SGCZ: variants seen among roughly 807,000 people sequenced by gnomAD.
SGCZ encodes zeta-sarcoglycan.
SGCZ carries 40 observed loss-of-function variants against 41.3 expected under a neutral mutation model. The ratio of observed to expected loss-of-function variants is 0.97; its 90% confidence interval spans 0.75 to 1.26. The LOEUF (loss-of-function observed/expected upper bound fraction) is 1.26. Among genes scored for constraint, SGCZ ranks in the 50% most tolerant of loss-of-function variants. SGCZ has a pLI of 0.00. For missense variants in SGCZ, 552 were observed against 369.8 expected (o/e 1.49, Z -4.04); for synonymous variants, 206 against 137.5 (o/e 1.50, Z -3.49).
At chr8:14,910,140 C>G (rs952652805) in intron 1 of SGCZ, among the ~76,000 whole-genome samples, 35 of 151,946 alleles carry the variant, frequency 2.3e-4, no homozygotes, top group African/African-American at 7.7e-4. Flanking sequence ...AACTTATGAC[C>G]CTATTTAGTC....
chr8:14,615,038 C>G (rs1806053927), intron 1 of SGCZ, among the ~76,000 whole-genome samples: 1 of 151,264 alleles, frequency 6.6e-6, no homozygotes, highest in African/African-American at 2.4e-5. Context: ...AAGCTTGTTA[C>G]AAAAAGATTA....
At chr8:14,374,275 A>T (rs897057560) in intron 2 of SGCZ, among the ~76,000 whole-genome samples, 2 of 152,132 alleles carry the variant, frequency 1.3e-5, no homozygotes, top group African/African-American at 4.8e-5. Flanking sequence ...ACTCTTCAGG[A>T]GGCTGAGATG....
chr8:14,618,803 G>C (rs919298026), intron 1 of SGCZ, among the ~76,000 whole-genome samples: 2 of 152,008 alleles, frequency 1.3e-5, no homozygotes, highest in South Asian at 4.1e-4. Context: ...ATTTTAAGAT[G>C]GACTGAAAGC....
At chr8:14,974,103 C>T (rs529666579) in intron 1 of SGCZ, among the ~76,000 whole-genome samples, 46 of 152,248 alleles carry the variant, frequency 3.0e-4, no homozygotes, top group Admixed American at 4.6e-4. Context: ...TACTTGTTGA[C>T]ACTGTGCAAA....
intron 2 of SGCZ, among the ~76,000 whole-genome samples, chr8:14,381,727 A>C (rs1426250010): frequency 6.6e-6 from 1 of 152,042 alleles, no homozygotes; most frequent in Admixed American, 6.6e-5. Context: ...TCGAGGCTGC[A>C]GTGAGCCATG....
At chr8:14,821,767 C>T (rs56273003) in intron 1 of SGCZ, among the ~76,000 whole-genome samples, 3 of 151,616 alleles carry the variant, frequency 2.0e-5, no homozygotes, top group South Asian at 2.1e-4. Context: ...ATTCAGCATC[C>T]CTTCATGAAA....
intron 2 of SGCZ, among the ~76,000 whole-genome samples, chr8:14,528,205 G>A (rs1803012681): frequency 6.6e-6 from 1 of 152,068 alleles, no homozygotes; most frequent in African/African-American, 2.4e-5. Flanking sequence ...ACATACCGAA[G>A]AATCCATTGT....
chr8:14,094,430 T>A (rs1213838053), intron 7 of SGCZ, among the ~76,000 whole-genome samples: 3 of 152,112 alleles, frequency 2.0e-5, no homozygotes, highest in Admixed American at 6.6e-5. Context: ...AATGATGGTT[T>A]CCAGCATCAT....
At chr8:15,008,543 G>T (rs1296759819) in intron 1 of SGCZ, among the ~76,000 whole-genome samples, 1 of 70,634 alleles carries the variant, frequency 1.4e-5, no homozygotes, top group East Asian at 3.4e-4. Flanking sequence ...AAGGAAGGAA[G>T]GGAGGGAGTG....
intron 1 of SGCZ, among the ~76,000 whole-genome samples, chr8:14,698,002 A>C (rs1809020489): frequency 6.6e-6 from 1 of 151,982 alleles, no homozygotes; most frequent in South Asian, 2.1e-4. Context: ...GCTTCCAGGA[A>C]TTATTTTCAT....
chr8:14,851,729 T>C (rs1803333418), intron 1 of SGCZ, among the ~76,000 whole-genome samples: 1 of 152,166 alleles, frequency 6.6e-6, no homozygotes, highest in South Asian at 2.1e-4. Flanking sequence ...ATATCTATCC[T>C]TTGTGTCATT....
chr8:14,113,719 C>A (rs906517375), intron 5 of SGCZ, among the ~76,000 whole-genome samples: 1 of 151,974 alleles, frequency 6.6e-6, no homozygotes, highest in Non-Finnish European at 1.5e-5. Context: ...CATACTGGTG[C>A]CAAATGATGT....
rs576026023 is a variant in SGCZ, at chr8:14,612,668, T to A, written c.40-57742A>T. On this transcript the variant is annotated intron_variant, in intron 1 of 7. Transcript: ENST00000382080. Reference sequence around the variant, plus strand: ...AGATAACAGGAAGGAGTTGTGTTTTTTTGTTTTTTTGTTTTGTTTTGTTTT... The same window carrying A: ...AGATAACAGGAAGGAGTTGTGTTTTATTGTTTTTTTGTTTTGTTTTGTTTT... 8.4e-4 allele frequency among the ~76,000 whole-genome samples: 127 copies of A among 151,860 alleles called. 1 individual carries two copies. Among genetic ancestry groups the A allele is most frequent in the African/African-American group, 3.0e-3 (125 of 41,366 alleles).
At chr8:14,966,254 C>T (rs1193125725) in intron 1 of SGCZ, among the ~76,000 whole-genome samples, 2 of 151,444 alleles carry the variant, frequency 1.3e-5, no homozygotes, top group Non-Finnish European at 3.0e-5. Flanking sequence ...TTGATGTCAT[C>T]AGAGATGAGA....
intron 5 of SGCZ, among the ~76,000 whole-genome samples, chr8:14,155,341 G>A (rs374385830): frequency 1.3e-5 from 2 of 152,030 alleles, no homozygotes; most frequent in South Asian, 2.1e-4. Flanking sequence ...GTTGCCTGAT[G>A]TCTCTTTGGC....
intron 1 of SGCZ, among the ~76,000 whole-genome samples, chr8:14,559,101 T>C (rs1804128496): frequency 1.3e-5 from 2 of 152,020 alleles, no homozygotes; most frequent in South Asian, 4.1e-4. Context: ...ACCACTCCTC[T>C]TCAACATAGT....
chr8:14,347,320 A>G (rs555971510), intron 2 of SGCZ, among the ~76,000 whole-genome samples: 1 of 152,268 alleles, frequency 6.6e-6, no homozygotes, highest in African/African-American at 2.4e-5. Context: ...GATTCCTACA[A>G]TAATTTGCTA....
intron 2 of SGCZ, among the ~76,000 whole-genome samples, chr8:14,338,264 T>C (rs13264899): frequency 0.2 from 30,270 of 152,172 alleles, 3,788 homozygotes; most frequent in Non-Finnish European, 0.29. Flanking sequence ...ATGGGCCTTC[T>C]GGTCTCATTT....
chr8:15,184,538 CT>C (rs34206153), intron 1 of SGCZ, among the ~76,000 whole-genome samples: 55,300 of 151,310 alleles, frequency 0.37, 12,161 homozygotes, highest in Non-Finnish European at 0.48. Context: ...TACACCAGGC[CT>C]CGGGAGACTG....
Sources: gnomAD v4.1 joint callset for allele counts (sites outside exome capture counted in the v4.1 genomes callset) on GRCh38, gnomAD v4.1.1 for gene constraint, MANE v1.5 for transcripts, NCBI Gene and HGNC (gene_info 2026-07-23, HGNC 2026-07-21) for gene names.